Variants in TTLL3 observed in about 807,000 individuals in gnomAD.
The protein encoded by TTLL3 is tubulin tyrosine ligase like 3, also known as tubulin monoglycylase TTLL3.
TTLL3 carries 63 observed loss-of-function variants against 75.2 expected under a neutral mutation model. The observed-to-expected ratio is 0.84, with a 90% confidence interval of 0.68 to 1.03. The LOEUF is 1.03. Ranked by LOEUF, TTLL3 falls within the 50% of genes least tolerant of loss-of-function variation. The pLI, the probability that TTLL3 is intolerant of heterozygous loss-of-function variation, is 0.00. For synonymous variants in TTLL3, 393 were observed against 418.5 expected (o/e 0.94, Z 0.74); for missense variants, 997 against 1,069.9 (o/e 0.93, Z 0.95).
chr3:9,828,117 G>C (rs1386208507), intron 10 of TTLL3: 1 of 146,144 alleles, frequency 6.8e-6, no homozygotes, highest in Non-Finnish European at 1.5e-5. Flanking sequence ...ACTCCAGCCT[G>C]GGTGACAGAT....
chr3:9,818,596 C>T (rs768107550), intron 6 of TTLL3: 1 of 1,277,342 alleles, frequency 7.8e-7, no homozygotes, highest in Non-Finnish European at 1.0e-6. Context: ...TCTCGATCTC[C>T]TGACCTCATG....
chr3:9,836,343 G>C lies in TTLL3; in HGVS notation c.*854G>C, dbSNP rs2082011136. 1 of 150,894 alleles carries C rather than the reference G, an allele frequency of 6.6e-6. No individual in the cohort carries two copies. The highest frequency in any genetic ancestry group is 6.6e-5 in the Admixed American group (1 of 15,140). The allele number at this position is 150,894 out of a possible 1,614,324, so 9.3% of individuals were successfully genotyped here. A position where few individuals can be genotyped will look rare whatever the true frequency, so the allele number is the denominator to read the frequency against. On this transcript the variant is annotated 3_prime_UTR_variant, in exon 14 of 14. Coordinates refer to ENST00000685419, the MANE Select transcript of TTLL3 (RefSeq NM_001387446.1). ...TCTTTGCAGATGTAAATAAATTTAA[G>C]ATCTTAAATGAGATAATCCCAATGA...
intron 9 of TTLL3, 111 bp downstream of exon 9, chr3:9,826,059 A>G: frequency 1.4e-6 from 2 of 1,477,682 alleles, no homozygotes; most frequent in Non-Finnish European, 1.8e-6. Context: ...CCTGGGTTTG[A>G]GTCCTAGCTC....
Position 9,829,309 on chromosome 3 carries a change from G to A in TTLL3, c.1597G>A (p.Val533Met), listed in dbSNP as rs773257587. 4.2e-5 allele frequency: 68 copies of A among 1,613,842 alleles called. No homozygotes were observed. The highest frequency in any genetic ancestry group is 1.0e-4 in the Admixed American group (6 of 59,992). Reference sequence around the variant, plus strand: ...AGTCACTGCCCGGCTCTGTGCTGGCGTGCAAGCTGACACCCTGCGCGTGGT... The same window carrying A: ...AGTCACTGCCCGGCTCTGTGCTGGCATGCAAGCTGACACCCTGCGCGTGGT... ...TAVTARLCAGVQADTLRVVID... is the reference protein window; with the variant it reads ...TAVTARLCAGMQADTLRVVID... The change falls in exon 11 of 14, where the codon GTG becomes ATG. Residue 533 changes from valine to methionine, a missense_variant. Val to Met is a conservative substitution (Grantham distance 21). Coordinates refer to ENST00000685419, the MANE Select transcript of TTLL3 (RefSeq NM_001387446.1).
intron 8 of TTLL3, among the ~76,000 whole-genome samples, chr3:9,824,721 T>C (rs961500391): frequency 1.4e-5 from 2 of 142,534 alleles, no homozygotes; most frequent in Admixed American, 1.5e-4. Context: ...GTTTACTTTT[T>C]CTTTTCTTTT....
chr3:9,832,498 GGCACAGGGA>G (rs1486073859), intron 11 of TTLL3, among the ~76,000 whole-genome samples: 4 of 152,314 alleles, frequency 2.6e-5, no homozygotes, highest in Non-Finnish European at 5.9e-5. Flanking sequence ...TTGCTAGCAA[GGCACAGGGA>G]GCTCTCCTGG....
At chr3:9,823,433 A>AT (rs545197946) in intron 8 of TTLL3, among the ~76,000 whole-genome samples, 128 of 136,210 alleles carry the variant, frequency 9.4e-4, no homozygotes, top group African/African-American at 3.4e-3. Context: ...TAAATCCTGG[A>AT]TTTTAAGAAC....
chr3:9,834,252 G>A (rs1471029028), intron 12 of TTLL3: 4 of 400,394 alleles, frequency 1.0e-5, no homozygotes, highest in Non-Finnish European at 2.0e-5. Context: ...GCTCTCTCCA[G>A]CGCCCACGCT....
chr3:9,825,413 C>T (rs184472732), intron 8 of TTLL3: 6 of 277,916 alleles, frequency 2.2e-5, no homozygotes, highest in Admixed American at 1.4e-4. Context: ...TGAGGGCATT[C>T]GTGAAAATAT....
chr3:9,816,279 C>T (rs1195499297), intron 5 of TTLL3, 77 bp downstream of exon 5: 22 of 1,278,608 alleles, frequency 1.7e-5, no homozygotes, highest in Non-Finnish European at 2.3e-5. Context: ...CCCTGCTCAC[C>T]TTGTTAGTAA....
At chr3:9,831,389 A>G (rs890024110) in intron 11 of TTLL3, among the ~76,000 whole-genome samples, 1 of 152,222 alleles carries the variant, frequency 6.6e-6, no homozygotes, top group African/African-American at 2.4e-5. Flanking sequence ...TGATGAGGTT[A>G]AACATTTTTC....
rs757285885 is a variant in TTLL3 at position 9,813,047 on chromosome 3, C to T, written c.153C>T (p.Thr51=). Residue 51 remains threonine (T), a synonymous_variant, in exon 3 of 14, where the codon ACC becomes ACT. Transcript: ENST00000685419. The part of the protein sequence containing the change: ...EKKMVHRSGP[T]LLPPQKDLDS... Reference sequence around the variant, plus strand: ...AGATGGTCCATCGCTCAGGCCCCACCCTGCTGCCACCCCAGAAGGATCTGG... The same window carrying T: ...AGATGGTCCATCGCTCAGGCCCCACTCTGCTGCCACCCCAGAAGGATCTGG... The T allele has an allele frequency of 6.7e-5, 107 of 1,588,628 alleles. No homozygotes were observed. Among genetic ancestry groups the T allele is most frequent in the Non-Finnish European group, 8.9e-5 (104 of 1,165,394 alleles).
At chr3:9,813,194 T>C (rs1384383163) in intron 3 of TTLL3, 54 bp from the exon 4 acceptor site, 11 of 1,613,422 alleles carry the variant, frequency 6.8e-6, no homozygotes, top group African/African-American at 1.3e-5. Context: ...TGAGGCCTTA[T>C]GGGCTATGGG....
intron 8 of TTLL3, chr3:9,821,055 C>G (rs1258358037): frequency 2.0e-5 from 7 of 342,990 alleles, no homozygotes; most frequent in Non-Finnish European, 3.7e-5. Flanking sequence ...CTTTTGTGGT[C>G]CATCACATTT....
At chr3:9,823,433 A>G (rs957463112) in intron 8 of TTLL3, among the ~76,000 whole-genome samples, 29 of 136,144 alleles carry the variant, frequency 2.1e-4, no homozygotes, top group Non-Finnish European at 3.1e-5. Context: ...TAAATCCTGG[A>G]TTTTAAGAAC....
chr3:9,834,824 A>G lies in TTLL3; in HGVS notation c.1969A>G (p.Thr657Ala), dbSNP rs1420304960. The G allele has an allele frequency of 1.2e-6, 2 of 1,613,948 alleles. No individual in the cohort carries two copies. Among genetic ancestry groups the G allele is most frequent in the East Asian group, 4.5e-5 (2 of 44,882 alleles). ...ALSTTGKALRTLPTAKVFISL... is the reference protein window; with the variant it reads ...ALSTTGKALRALPTAKVFISL... ...GTCGACCACAGGCAAGGCCTTGAGG[A>G]CTCTACCCACGGCTAAGGTCTTCAT... Residue 657 changes from threonine (T) to alanine (A), a missense_variant, in exon 13 of 14, where the codon ACT (threonine) becomes GCT (alanine). Transcript: ENST00000685419.
intron 2 of TTLL3, chr3:9,812,715 G>A (rs1014798184): frequency 2.4e-6 from 1 of 419,626 alleles, no homozygotes; most frequent in Admixed American, 4.4e-5. Flanking sequence ...AGTAATGCAT[G>A]TAAGTGCTCA....
intron 10 of TTLL3, chr3:9,828,665 C>T: frequency 2.3e-6 from 1 of 442,834 alleles, no homozygotes; most frequent in Non-Finnish European, 4.1e-6. Flanking sequence ...CTTACCCACC[C>T]TCTTATCTTC....
Position 9,814,228 on chromosome 3 carries a change from C to T in TTLL3, c.315+883C>T, listed in dbSNP as rs866734482. Among the ~76,000 whole-genome samples the T allele has an allele frequency of 7.2e-5, 11 of 152,210 alleles. No individual in the cohort carries two copies. In the East Asian group the frequency reaches 9.7e-4, roughly 13 times the overall value. On this transcript the variant is annotated intron_variant, in intron 4 of 13. Coordinates refer to ENST00000685419, the MANE Select transcript of TTLL3 (RefSeq NM_001387446.1). ...GCAGGCGCCTGTAATCCCAGCTACTCGGGAAGCTGAGGCAGGAGAATCACT... is the reference window on the plus strand; with the variant it reads ...GCAGGCGCCTGTAATCCCAGCTACTTGGGAAGCTGAGGCAGGAGAATCACT...
Sources: allele counts gnomAD v4.1 joint callset (sites outside exome capture counted in the v4.1 genomes callset), GRCh38; gene constraint gnomAD v4.1.1; transcripts MANE v1.5; gene names NCBI Gene and HGNC (gene_info 2026-07-23, HGNC 2026-07-21).